The following MID1 variants were observed in gnomAD, a reference collection of about 807,000 sequenced individuals.
The protein encoded by MID1 is E3 ubiquitin-protein ligase Midline-1.
MID1 carries 7 observed loss-of-function variants against 40.4 expected under a neutral mutation model. The observed-to-expected ratio is 0.17, with a 90% CI of 0.10 to 0.33. The LOEUF (loss-of-function observed/expected upper bound fraction) is 0.33, where lower values mean the gene tolerates loss of function less well. Among genes scored for constraint, MID1 ranks in the 10% least tolerant of loss-of-function variants. The pLI is 1.00. For synonymous variants in MID1, 229 were observed against 221.2 expected, an observed-to-expected ratio of 1.04 and a Z score of -0.31; for missense variants, 367 against 558.5, an observed-to-expected ratio of 0.66 and a Z score of 3.46.
At chrX:10,714,881 TA>T (rs2043290608) in intron 1 of MID1, among the ~76,000 whole-genome samples, 1 of 112,309 alleles carries the variant, frequency 8.9e-6, no homozygotes, top group African/African-American at 3.2e-5. Flanking sequence ...GAGCTTTGTT[TA>T]AAAAAATAAA....
intron 1 of MID1, among the ~76,000 whole-genome samples, chrX:10,627,924 C>T (rs1936012072): frequency 9.0e-6 from 1 of 111,570 alleles, no homozygotes; most frequent in African/African-American, 3.3e-5. Flanking sequence ...CTTAAATGAA[C>T]AGAAAGATTG....
At chrX:10,578,651 G>T (rs1934932584) in intron 1 of MID1, among the ~76,000 whole-genome samples, 1 of 112,004 alleles carries the variant, frequency 8.9e-6, no homozygotes, top group Non-Finnish European at 1.9e-5. Context: ...TGTTTTCCAG[G>T]TCTATGCTGT....
At chrX:10,623,071 A>G (rs1379949109), upstream of MID1, among the ~76,000 whole-genome samples, 1 of 91,925 alleles carries the variant, frequency 1.1e-5, no homozygotes, top group Non-Finnish European at 2.1e-5. Flanking sequence ...ACATGGTGAA[A>G]TGCTGTCTCT....
At chrX:10,649,812 T>G (rs903163644) in intron 1 of MID1, among the ~76,000 whole-genome samples, 1 of 112,135 alleles carries the variant, frequency 8.9e-6, no homozygotes, top group African/African-American at 3.2e-5. Context: ...ATATTTCACT[T>G]AAAACAGTGC....
chrX:10,695,186 G>A (rs759460891), intron 1 of MID1, among the ~76,000 whole-genome samples: 1 of 111,794 alleles, frequency 8.9e-6, no homozygotes, highest in African/African-American at 3.2e-5. Context: ...GTGCAGTGGT[G>A]CAGTCATGGT....
At chrX:10,831,521 T>C (rs1569181092) in intron 1 of MID1, among the ~76,000 whole-genome samples, 1 of 111,732 alleles carries the variant, frequency 8.9e-6, no homozygotes, top group East Asian at 2.8e-4. Context: ...TGCAACAATA[T>C]AGGTCCTAAC....
intron 1 of MID1, among the ~76,000 whole-genome samples, chrX:10,604,570 T>C (rs893661179): frequency 8.9e-6 from 1 of 112,037 alleles, no homozygotes; most frequent in African/African-American, 3.2e-5. Flanking sequence ...AAGGCTTTGT[T>C]GTCAGAAAAA....
chrX:10,744,138 G>A (rs1289482998), intron 1 of MID1, among the ~76,000 whole-genome samples: 1 of 111,375 alleles, frequency 9.0e-6, no homozygotes, highest in African/African-American at 3.3e-5. Context: ...TGATAACATC[G>A]GCCATGATAG....
At chrX:10,658,240 GC>G (rs1360095846) in intron 1 of MID1, among the ~76,000 whole-genome samples, 1 of 108,668 alleles carries the variant, frequency 9.2e-6, no homozygotes, top group African/African-American at 3.3e-5. Flanking sequence ...TGCAGTCATT[GC>G]TTTGTCAAGG....
intron 1 of MID1, among the ~76,000 whole-genome samples, chrX:10,771,658 ATT>A (rs765034374): frequency 0.027 from 2,210 of 82,101 alleles, 47 homozygotes; most frequent in African/African-American, 0.096. Flanking sequence ...TGCCTGGCTA[ATT>A]TTTTTTTTTT....
At chrX:10,794,925 G>A (rs1163228770) in intron 1 of MID1, among the ~76,000 whole-genome samples, 2 of 111,359 alleles carry the variant, frequency 1.8e-5, no homozygotes, top group Non-Finnish European at 3.8e-5. Flanking sequence ...CACATATACT[G>A]AGCCAATGAA....
At chrX:10,600,607 A>T (rs1056935286) in intron 1 of MID1, among the ~76,000 whole-genome samples, 2 of 111,353 alleles carry the variant, frequency 1.8e-5, no homozygotes, top group Non-Finnish European at 3.8e-5. Context: ...TTCCTTTTGT[A>T]TTTCCCACTC....
chrX:10,712,301 G>A (rs918684149), intron 1 of MID1, among the ~76,000 whole-genome samples: 21 of 111,131 alleles, frequency 1.9e-4, no homozygotes, highest in Non-Finnish European at 2.8e-4. Context: ...GATGATCAGC[G>A]CTTCCTGATA....
chrX:10,461,432 GCAGGAAAACATC>G (rs1929036570), intron 7 of MID1, among the ~76,000 whole-genome samples: 1 of 110,955 alleles, frequency 9.0e-6, no homozygotes. Flanking sequence ...TGCATATGAT[GCAGGAAAACATC>G]CACAAATAGT....
At chrX:10,646,423 A>T (rs1156513716) in intron 1 of MID1, among the ~76,000 whole-genome samples, 1 of 111,604 alleles carries the variant, frequency 9.0e-6, no homozygotes, top group Non-Finnish European at 1.9e-5. Flanking sequence ...CAGCAACCTA[A>T]TATAAGTGGA....
At chrX:10,678,919 A>G (rs989034141) in intron 1 of MID1, among the ~76,000 whole-genome samples, 1 of 111,602 alleles carries the variant, frequency 9.0e-6, no homozygotes, top group African/African-American at 3.3e-5. Context: ...GCACTTTTAT[A>G]GGTTGCTGCT....
chrX:10,730,721 G>A (rs1363103891), intron 1 of MID1, among the ~76,000 whole-genome samples: 2 of 109,321 alleles, frequency 1.8e-5, no homozygotes, highest in Non-Finnish European at 3.8e-5. Flanking sequence ...ACAGGCGCCC[G>A]CCACCACGCC....
intron 1 of MID1, among the ~76,000 whole-genome samples, chrX:10,805,351 G>C (rs2044037464): frequency 9.6e-6 from 1 of 104,640 alleles, no homozygotes; most frequent in Admixed American, 1.1e-4. Context: ...ATAGTTTACT[G>C]AGAATGATGA....
At chrX:10,476,220 G>A (rs1438121619) in intron 5 of MID1, among the ~76,000 whole-genome samples, 2 of 111,534 alleles carry the variant, frequency 1.8e-5, no homozygotes, top group Admixed American at 9.5e-5. Context: ...AAGAGGGGAG[G>A]GGAGATGGGG....
Sources: gnomAD v4.1 joint callset for allele counts (sites outside exome capture counted in the v4.1 genomes callset) on GRCh38, gnomAD v4.1.1 for gene constraint, MANE v1.5 for transcripts, NCBI Gene and HGNC (gene_info 2026-07-23, HGNC 2026-07-21) for gene names.